The following PITPNC1 variants were observed in gnomAD, a reference collection of about 807,000 sequenced individuals.
The protein encoded by PITPNC1 is cytoplasmic phosphatidylinositol transfer protein 1.
PITPNC1 carries 18 observed loss-of-function variants against 44.7 expected under a neutral mutation model. The ratio of observed to expected loss-of-function variants is 0.40; its 90% CI spans 0.28 to 0.60. The LOEUF (loss-of-function observed/expected upper bound fraction) is 0.60. Ranked by LOEUF, PITPNC1 falls within the 20% of genes least tolerant of loss-of-function variation. PITPNC1 has a pLI of 0.39. For synonymous variants in PITPNC1, 141 were observed against 149.6 expected (o/e 0.94, Z 0.42); for missense variants, 290 against 418.4 (o/e 0.69, Z 2.68).
At chr17:67,495,040 G>GGTTT (rs2039926593) in intron 1 of PITPNC1, among the ~76,000 whole-genome samples, 6 of 64,706 alleles carry the variant, frequency 9.3e-5, no homozygotes, top group Non-Finnish European at 8.1e-5. Context: ...CCATGGAGTT[G>GGTTT]TTTTTTTTTT....
intron 2 of PITPNC1, among the ~76,000 whole-genome samples, chr17:67,540,574 G>A (rs1265066876): frequency 6.6e-6 from 1 of 152,134 alleles, no homozygotes; most frequent in Non-Finnish European, 1.5e-5. Context: ...ATACATGCAT[G>A]TCTGTTACCT....
chr17:67,402,038 A>G (rs371297127), intron 1 of PITPNC1, among the ~76,000 whole-genome samples: 22 of 152,186 alleles, frequency 1.4e-4, no homozygotes, highest in African/African-American at 5.1e-4. Flanking sequence ...GAGGTCAACT[A>G]ACTTTTTCTG....
At chr17:67,496,617 G>A (rs1345197457) in intron 1 of PITPNC1, among the ~76,000 whole-genome samples, 1 of 152,104 alleles carries the variant, frequency 6.6e-6, no homozygotes, top group African/African-American at 2.4e-5. Flanking sequence ...CCTCCTGAGA[G>A]CAGGAGGTAT....
At chr17:67,571,179 C>T (rs978350974) in intron 4 of PITPNC1, among the ~76,000 whole-genome samples, 1 of 152,170 alleles carries the variant, frequency 6.6e-6, no homozygotes, top group African/African-American at 2.4e-5. Context: ...GCCTATAATA[C>T]CAGCACTTTA....
chr17:67,682,015 T>A (rs1399488116), intron 8 of PITPNC1, among the ~76,000 whole-genome samples: 1 of 151,950 alleles, frequency 6.6e-6, no homozygotes, highest in East Asian at 1.9e-4. Flanking sequence ...CTGGACAACA[T>A]GGTGAAACCC....
At chr17:67,570,715 C>T (rs759597756) in intron 4 of PITPNC1, among the ~76,000 whole-genome samples, 1 of 152,034 alleles carries the variant, frequency 6.6e-6, no homozygotes, top group Non-Finnish European at 1.5e-5. Context: ...TGCCCCAAGT[C>T]ACACAGTTTG....
chr17:67,622,181 C>T (rs139488206), intron 5 of PITPNC1, among the ~76,000 whole-genome samples: 3,213 of 146,494 alleles, frequency 0.022, 95 homozygotes, highest in East Asian at 0.11. Context: ...GGCAGGAACC[C>T]GGGAGGCGGA....
At chr17:67,505,936 C>T (rs943265890) in intron 1 of PITPNC1, among the ~76,000 whole-genome samples, 9 of 152,214 alleles carry the variant, frequency 5.9e-5, no homozygotes, top group Non-Finnish European at 1.3e-4. Context: ...GCCTCCCCCT[C>T]TACCTGGATT....
intron 1 of PITPNC1, among the ~76,000 whole-genome samples, chr17:67,424,159 G>GA (rs974031689): frequency 6.6e-6 from 1 of 151,082 alleles, no homozygotes; most frequent in Admixed American, 6.6e-5. Context: ...GATGGACAGA[G>GA]AAAAAGCAGG....
At chr17:67,555,672 C>CA (rs67935513) in intron 4 of PITPNC1, among the ~76,000 whole-genome samples, 3,153 of 77,958 alleles carry the variant, frequency 0.04, 141 homozygotes, top group African/African-American at 0.11. Flanking sequence ...ACTAAAAATA[C>CA]AAAAAAAAAA....
chr17:67,402,522 C>T (rs528721664), intron 1 of PITPNC1, among the ~76,000 whole-genome samples: 147 of 142,894 alleles, frequency 1.0e-3, no homozygotes, highest in Non-Finnish European at 1.7e-3. Context: ...TCCGCCATTT[C>T]CTGACAAAGC....
Position 67,622,965 on chromosome 17 carries a change from AC to A in PITPNC1, c.367-9176del, listed in dbSNP as rs1422731979. On this transcript the variant is annotated intron_variant, in intron 5 of 8. Transcript: ENST00000581322. Reference sequence around the variant, plus strand: ...AGCCAGTATACCCTCCCTCCACCAAACCAGTAGCCACTTTGCCGGTGCAGAG... The same window carrying A: ...AGCCAGTATACCCTCCCTCCACCAAACAGTAGCCACTTTGCCGGTGCAGAG... 5.3e-5 allele frequency among the ~76,000 whole-genome samples: 8 copies of A among 152,132 alleles called. No individual in the cohort carries two copies. The East Asian group carries it at 1.5e-3, about 29-fold the overall frequency.
intron 1 of PITPNC1, among the ~76,000 whole-genome samples, chr17:67,446,918 C>T (rs1030109060): frequency 2.0e-5 from 3 of 151,648 alleles, no homozygotes; most frequent in African/African-American, 4.8e-5. Context: ...GGTGAAACCC[C>T]ATCTCTACTA....
chr17:67,437,262 G>A (rs2038950771), intron 1 of PITPNC1, among the ~76,000 whole-genome samples: 1 of 151,998 alleles, frequency 6.6e-6, no homozygotes. Context: ...AGGGCCTCAA[G>A]ATGAAATAAT....
intron 1 of PITPNC1, among the ~76,000 whole-genome samples, chr17:67,526,617 AGC>A (rs1354314578): frequency 6.6e-6 from 1 of 152,058 alleles, no homozygotes; most frequent in Non-Finnish European, 1.5e-5. Context: ...CTGTAATCCC[AGC>A]TACTTGGGAG....
chr17:67,427,732 TCC>T (rs2038792377), intron 1 of PITPNC1, among the ~76,000 whole-genome samples: 2 of 152,142 alleles, frequency 1.3e-5, no homozygotes, highest in Admixed American at 1.3e-4. Context: ...GAAACAAAAC[TCC>T]AGGCAAATAC....
Position 67,594,186 on chromosome 17 carries a change from G to A in PITPNC1, c.366+15929G>A, listed in dbSNP as rs182768819. 2.0e-5 allele frequency among the ~76,000 whole-genome samples: 3 copies of A among 152,314 alleles called. No homozygotes were observed. In the East Asian group the frequency reaches 5.8e-4, roughly 29 times the overall value. On this transcript the variant is annotated intron_variant, in intron 5 of 8. Transcript: ENST00000581322. ...TGCAGCCAAGTGATAACGGGACTTC[G>A]CTGTTCTGAACTTCCCCAGCTGTGT...
intron 1 of PITPNC1, among the ~76,000 whole-genome samples, chr17:67,469,509 C>CT (rs1486608921): frequency 6.6e-6 from 1 of 152,194 alleles, no homozygotes; most frequent in Non-Finnish European, 1.5e-5. Flanking sequence ...AGCCTGGTCT[C>CT]GGTTACCTCC....
In PITPNC1 at chr17:67,631,657, A is replaced by AAAAAAATATAT. The variant is rs1555574522; in HGVS notation, c.367-485_367-484insAAAAATATATA. On this transcript the variant is annotated intron_variant, in intron 5 of 8. Transcript: ENST00000581322. ...AACCAAAAAAAAAAAAAAAAAAAAA[A>AAAAAAATATAT]ATATATATATATATAAAATATATAT... is the stretch of plus-strand genomic sequence containing the variant. 7.8e-4 allele frequency among the ~76,000 whole-genome samples: 6 copies of AAAAAAATATAT among 7,678 alleles called. 1 individual carries two copies. The highest frequency in any genetic ancestry group is 2.2e-3 in the Admixed American group (1 of 446). The allele number at this position is 7,678 out of a possible 152,430, so 5.0% of individuals were successfully genotyped here.
Sources: gnomAD v4.1 joint callset for allele counts (sites outside exome capture counted in the v4.1 genomes callset) on GRCh38, gnomAD v4.1.1 for gene constraint, MANE v1.5 for transcripts, NCBI Gene and HGNC (gene_info 2026-07-23, HGNC 2026-07-21) for gene names.